The following ZSCAN25 variants were observed in gnomAD, a reference collection of about 807,000 sequenced individuals.
ZSCAN25 encodes the protein zinc finger and SCAN domain containing 25, also known as zinc finger and SCAN domain-containing protein 25.
In ZSCAN25, 27 loss-of-function variants were observed where a neutral mutation model predicts 38.7. The ratio of observed to expected loss-of-function variants is 0.70; its 90% confidence interval spans 0.51 to 0.96. ZSCAN25 has a LOEUF of 0.96. Among genes scored for constraint, ZSCAN25 ranks in the 40% least tolerant of loss-of-function variants. ZSCAN25 has a pLI of 0.00. For missense variants in ZSCAN25, 637 were observed against 705.9 expected (o/e 0.90, Z 1.11); for synonymous variants, 273 against 277.7 (o/e 0.98, Z 0.17).
At chr7:99,700,648 G>A in the ZSCAN25 span, among the ~76,000 whole-genome samples, 11 of 152,226 alleles carry the variant, frequency 7.2e-5, no homozygotes, top group Admixed American at 7.2e-4. Context: ...CACCCTTGTG[G>A]GTTTCTGTGC....
At chr7:99,712,526 G>A in the ZSCAN25 span, among the ~76,000 whole-genome samples, 1 of 152,178 alleles carries the variant, frequency 6.6e-6, no homozygotes, top group Non-Finnish European at 1.5e-5. Context: ...TGTGTCTAGT[G>A]ATTTCTAGAT....
At chr7:99,646,143 G>A in the ZSCAN25 span, among the ~76,000 whole-genome samples, 1 of 152,094 alleles carries the variant, frequency 6.6e-6, no homozygotes, top group African/African-American at 2.4e-5. Context: ...AAATATTTCT[G>A]TGAAGAATGT....
the ZSCAN25 span, chr7:99,731,149 A>G: frequency 6.2e-7 from 1 of 1,613,830 alleles, no homozygotes; most frequent in Non-Finnish European, 8.5e-7. Flanking sequence ...TACGGGTTCC[A>G]TATCTACAAA....
the ZSCAN25 span, among the ~76,000 whole-genome samples, chr7:99,651,778 C>T: frequency 6.6e-6 from 1 of 152,192 alleles, no homozygotes; most frequent in Non-Finnish European, 1.5e-5. Context: ...TAAGGCCTGA[C>T]CTTGTCCCTG....
chr7:99,647,645 C>G, the ZSCAN25 span: 1 of 985,372 alleles, frequency 1.0e-6, no homozygotes, highest in Non-Finnish European at 1.2e-6. Flanking sequence ...TCAAAGAAGG[C>G]AGAATGAAAC....
chr7:99,624,562 G>A (rs1275632514), intron 7 of ZSCAN25: 3 of 217,748 alleles, frequency 1.4e-5, no homozygotes, highest in African/African-American at 6.7e-5. Flanking sequence ...TGTGTTAGTG[G>A]TTTTCTCTTG....
intron 6 of ZSCAN25, among the ~76,000 whole-genome samples, chr7:99,623,818 T>C (rs1807216335): frequency 1.3e-5 from 2 of 152,212 alleles, no homozygotes; most frequent in Admixed American, 1.3e-4. Flanking sequence ...TGCCAGGCTC[T>C]GTCAAGCATG....
the ZSCAN25 span, among the ~76,000 whole-genome samples, chr7:99,688,166 T>C: frequency 6.6e-6 from 1 of 152,210 alleles, no homozygotes; most frequent in East Asian, 1.9e-4. Context: ...AATTCACACA[T>C]AACAATATTA....
At chr7:99,637,107 T>C (rs1808312587), downstream of ZSCAN25, among the ~76,000 whole-genome samples, 1 of 152,202 alleles carries the variant, frequency 6.6e-6, no homozygotes, top group African/African-American at 2.4e-5. Flanking sequence ...CACACATCTA[T>C]AAAAAATGAC....
chr7:99,730,136 G>A, the ZSCAN25 span, among the ~76,000 whole-genome samples: 2 of 152,112 alleles, frequency 1.3e-5, no homozygotes, highest in Non-Finnish European at 2.9e-5. Context: ...CAGGGACCAG[G>A]CCCTGAACAC....
the ZSCAN25 span, among the ~76,000 whole-genome samples, chr7:99,728,299 T>G: frequency 4.1e-3 from 628 of 152,322 alleles, 11 homozygotes; most frequent in African/African-American, 0.013. Context: ...GCCCTGTATT[T>G]CACTCCATTC....
the ZSCAN25 span, among the ~76,000 whole-genome samples, chr7:99,693,622 T>C: frequency 1.2e-4 from 19 of 152,234 alleles, no homozygotes; most frequent in African/African-American, 3.9e-4. Flanking sequence ...CAATGGCTGA[T>C]ACCCCTCCTC....
chr7:99,619,227 T>C, intron 3 of ZSCAN25, 95 bp downstream of exon 3: 1 of 182,350 alleles, frequency 5.5e-6, no homozygotes. Context: ...TGCATGTATG[T>C]TTCCTTTAGT....
chr7:99,678,225 G>A, the ZSCAN25 span, among the ~76,000 whole-genome samples: 1 of 152,236 alleles, frequency 6.6e-6, no homozygotes, highest in Non-Finnish European at 1.5e-5. Flanking sequence ...TGGTGCCCCT[G>A]TGTCCAGGCT....
chr7:99,675,643 TCCCCC>T, the ZSCAN25 span, among the ~76,000 whole-genome samples: 17 of 14,370 alleles, frequency 1.2e-3, 1 homozygote, highest in African/African-American at 2.6e-3. Flanking sequence ...TCTCCTCTCC[TCCCCC>T]CTCCCCTCCC....
the ZSCAN25 span, chr7:99,715,822 G>A: frequency 6.2e-7 from 1 of 1,613,788 alleles, no homozygotes; most frequent in African/African-American, 1.3e-5. Context: ...TTTCCACAAA[G>A]GGGTCTTGTG....
Position 99,619,612 on chromosome 7 carries a change from T to C in ZSCAN25, c.6T>C (p.Leu2=). 2 of 1,612,528 alleles carry C rather than the reference T, an allele frequency of 1.2e-6. No individual in the cohort carries two copies. The highest frequency in any genetic ancestry group is 1.7e-6 in the Non-Finnish European group (2 of 1,178,980). ...TCCTCGGAGGGAGTCTGAAGATGCT[T>C]AAAGAGCATCCAGAGATGGCGGAAG... M[L]KEHPEMAEAP... The change falls in exon 4 of 8, where the codon CTT becomes CTC. Residue 2 remains leucine (L), a synonymous_variant. Transcript: ENST00000394152.
chr7:99,629,671 A>C lies in ZSCAN25; in HGVS notation c.1286A>C (p.Lys429Thr). Reference sequence around the variant, plus strand: ...CACCAGCGCAGCCACACTGGGGAGAAGCCCTACAAGTGCGGGGACTGCTGG... The same window carrying C: ...CACCAGCGCAGCCACACTGGGGAGACGCCCTACAAGTGCGGGGACTGCTGG... ...EVHQRSHTGE[K>T]PYKCGDCWKS... Residue 429 changes from lysine (K) to threonine (T), a missense_variant, in exon 8 of 8, where the codon AAG becomes ACG. Coordinates refer to ENST00000394152, the MANE Select transcript of ZSCAN25 (RefSeq NM_145115.3). The surrounding 1 kb of genome is among the most constrained non-coding windows in gnomAD (Gnocchi z 5.6). 6.2e-7 allele frequency: 1 copy of C among 1,614,116 alleles called. No individual in the cohort carries two copies. Among genetic ancestry groups the C allele is most frequent in the East Asian group, 2.2e-5 (1 of 44,880 alleles).
chr7:99,627,861 A>T (rs1488361352), intron 7 of ZSCAN25, among the ~76,000 whole-genome samples: 1 of 152,028 alleles, frequency 6.6e-6, no homozygotes, highest in African/African-American at 2.4e-5. Flanking sequence ...ATATATATGC[A>T]GGGTATAGTG....
Sources: gnomAD v4.1 joint callset for allele counts (sites outside exome capture counted in the v4.1 genomes callset) on GRCh38, gnomAD v4.1.1 for gene constraint, Gnocchi (gnomAD v3.1) non-coding constraint, MANE v1.5 for transcripts, NCBI Gene and HGNC (gene_info 2026-07-23, HGNC 2026-07-21) for gene names.